ADK: variants seen among roughly 807,000 people sequenced by gnomAD.
The protein encoded by ADK is adenosine kinase, also known as N6,N6-dimethyladenosine kinase.
In ADK, 24 loss-of-function variants were observed where a neutral mutation model predicts 44.7. The observed-to-expected ratio is 0.54, with a 90% CI of 0.39 to 0.76. The LOEUF (loss-of-function observed/expected upper bound fraction) is 0.76, where lower values mean the gene tolerates loss of function less well. Among genes scored for constraint, ADK ranks in the 30% least tolerant of loss-of-function variants. ADK has a pLI of 0.00. For synonymous variants in ADK, 128 were observed against 142.6 expected, an observed-to-expected ratio of 0.90 and a Z score of 0.73; for missense variants, 321 against 425.1, an observed-to-expected ratio of 0.76 and a Z score of 2.15.
At chr10:74,457,339 T>C (rs572197064) in intron 6 of ADK, among the ~76,000 whole-genome samples, 46 of 152,254 alleles carry the variant, frequency 3.0e-4, no homozygotes, top group African/African-American at 9.6e-4. Context: ...CAGTAATTAA[T>C]AGCCTACCAA....
chr10:74,274,287 C>T (rs770896899), intron 3 of ADK, among the ~76,000 whole-genome samples: 44 of 152,090 alleles, frequency 2.9e-4, no homozygotes, highest in Non-Finnish European at 5.6e-4. Context: ...CATGGCCGGG[C>T]GTGGTAGCTC....
intron 5 of ADK, among the ~76,000 whole-genome samples, chr10:74,397,184 G>C (rs771319172): frequency 2.4e-4 from 36 of 152,000 alleles, no homozygotes; most frequent in Non-Finnish European, 4.6e-4. Context: ...TTTTGTATAT[G>C]AATATGTTGA....
chr10:74,290,586 A>G (rs554818743), intron 3 of ADK, among the ~76,000 whole-genome samples: 26 of 152,134 alleles, frequency 1.7e-4, no homozygotes, highest in Admixed American at 3.9e-4. Flanking sequence ...TGAAAGAGAC[A>G]AGTGTTTTAC....
At chr10:74,463,450 A>G (rs1471739766) in intron 6 of ADK, among the ~76,000 whole-genome samples, 1 of 152,188 alleles carries the variant, frequency 6.6e-6, no homozygotes, top group East Asian at 1.9e-4. Flanking sequence ...TAGATCCCTC[A>G]CATGCACAAT....
intron 3 of ADK, among the ~76,000 whole-genome samples, chr10:74,239,641 G>C (rs891788798): frequency 1.3e-5 from 2 of 149,696 alleles, no homozygotes; most frequent in Admixed American, 1.3e-4. Flanking sequence ...GACCTGGGGA[G>C]GTTGAGTCTG....
At chr10:74,466,245 T>C (rs1846354800) in intron 6 of ADK, among the ~76,000 whole-genome samples, 1 of 152,186 alleles carries the variant, frequency 6.6e-6, no homozygotes, top group Non-Finnish European at 1.5e-5. Flanking sequence ...AGCTGAGCTC[T>C]TCAAACTTCA....
intron 3 of ADK, among the ~76,000 whole-genome samples, chr10:74,271,888 T>C (rs948356935): frequency 8.5e-5 from 13 of 152,168 alleles, no homozygotes; most frequent in African/African-American, 2.9e-4. Flanking sequence ...GCTTGAACTT[T>C]CCATTGATAT....
chr10:74,545,599 ACTT>A (rs1380434062), intron 7 of ADK, among the ~76,000 whole-genome samples: 1 of 152,144 alleles, frequency 6.6e-6, no homozygotes, highest in African/African-American at 2.4e-5. Flanking sequence ...CCTGTCTTTA[ACTT>A]CTTGTCCTTG....
intron 6 of ADK, 129 bp downstream of exon 6, chr10:74,398,708 T>C (rs1359569157): frequency 1.9e-6 from 1 of 530,978 alleles, no homozygotes; most frequent in East Asian, 3.2e-5. Context: ...TCAAAGCATA[T>C]GTTAGATTCA....
intron 10 of ADK, among the ~76,000 whole-genome samples, chr10:74,691,253 A>T (rs1855978217): frequency 6.6e-6 from 1 of 152,202 alleles, no homozygotes; most frequent in Non-Finnish European, 1.5e-5. Context: ...CCCAGAAATG[A>T]CTAAGAACAA....
chr10:74,586,744 C>G (rs1418738425), intron 7 of ADK, among the ~76,000 whole-genome samples: 1 of 151,818 alleles, frequency 6.6e-6, no homozygotes, highest in African/African-American at 2.4e-5. Flanking sequence ...GTTCCAGCTA[C>G]TCGGGAGGCT....
At chr10:74,281,440 T>C (rs943338988) in intron 3 of ADK, among the ~76,000 whole-genome samples, 8 of 152,262 alleles carry the variant, frequency 5.3e-5, no homozygotes, top group Middle Eastern at 3.2e-3. Flanking sequence ...GTCTCTCTTA[T>C]GATCCTAGAC....
At chr10:74,552,773 T>TTGG (rs1365742926) in intron 7 of ADK, among the ~76,000 whole-genome samples, 1 of 152,102 alleles carries the variant, frequency 6.6e-6, no homozygotes, top group African/African-American at 2.4e-5. Flanking sequence ...GGCAAAAGAC[T>TTGG]TGGACACTTC....
rs549132928 is a variant in ADK at position 74,689,599 on chromosome 10, T to C, written c.965-18722T>C. On this transcript the variant is annotated intron_variant, in intron 10 of 10. Coordinates refer to ENST00000539909, the MANE Select transcript of ADK (RefSeq NM_006721.4). ...AAATGTCCAGTGGGAAGGGTTTAATTCAGCAGATAATAGAACCTTGCCCTG... is the reference window on the plus strand; with the variant it reads ...AAATGTCCAGTGGGAAGGGTTTAATCCAGCAGATAATAGAACCTTGCCCTG... 2.0e-4 allele frequency among the ~76,000 whole-genome samples: 30 copies of C among 152,328 alleles called. 1 individual carries two copies. The South Asian group carries it at 6.0e-3, about 30-fold the overall frequency.
chr10:74,432,578 A>T (rs1845039573), intron 6 of ADK, among the ~76,000 whole-genome samples: 1 of 152,094 alleles, frequency 6.6e-6, no homozygotes, highest in South Asian at 2.1e-4. Context: ...ATATTGATGT[A>T]GTTCTTTCTT....
chr10:74,555,087 A>G (rs1271112026), intron 7 of ADK, among the ~76,000 whole-genome samples: 2 of 152,170 alleles, frequency 1.3e-5, no homozygotes, highest in Non-Finnish European at 2.9e-5. Context: ...ACTTGAGCCC[A>G]GGAGTTCAAG....
chr10:74,508,991 G>T (rs1190743686), intron 6 of ADK, among the ~76,000 whole-genome samples: 1 of 152,018 alleles, frequency 6.6e-6, no homozygotes, highest in African/African-American at 2.4e-5. Flanking sequence ...CTATTAATAT[G>T]TTACCAAGAC....
chr10:74,365,499 A>G (rs1842469871), intron 4 of ADK, among the ~76,000 whole-genome samples: 1 of 152,206 alleles, frequency 6.6e-6, no homozygotes, highest in African/African-American at 2.4e-5. Flanking sequence ...TAGCTATACC[A>G]CATTTGTTAT....
chr10:74,176,772 G>A, intron 1 of ADK: 2 of 1,576,530 alleles, frequency 1.3e-6, no homozygotes, highest in Non-Finnish European at 1.7e-6. Flanking sequence ...CAGTCGCTGA[G>A]TGCCTGAGCC....
Sources: allele counts gnomAD v4.1 joint callset (sites outside exome capture counted in the v4.1 genomes callset), GRCh38; gene constraint gnomAD v4.1.1; transcripts MANE v1.5; gene names NCBI Gene and HGNC (gene_info 2026-07-23, HGNC 2026-07-21).